Variants in MME observed in about 807,000 individuals in gnomAD.
The protein encoded by MME is membrane metalloendopeptidase.
A neutral mutation model predicts 113.2 loss-of-function variants in MME; 98 were observed. The ratio of observed to expected loss-of-function variants is 0.87; its 90% confidence interval spans 0.74 to 1.02. MME has a LOEUF of 1.02. MME is among the 50% of genes least tolerant of loss of function. MME has a pLI of 0.00. For synonymous variants in MME, 292 were observed against 300.6 expected, an observed-to-expected ratio of 0.97 and a Z score of 0.30; for missense variants, 836 against 896.0, an observed-to-expected ratio of 0.93 and a Z score of 0.86.
intron 1 of MME, among the ~76,000 whole-genome samples, chr3:155,043,825 T>A (rs542157291): frequency 1.4e-4 from 22 of 152,158 alleles, no homozygotes; most frequent in South Asian, 6.2e-4. Context: ...GTCACTTTTC[T>A]GTTTCAAAAT....
intron 22 of MME, among the ~76,000 whole-genome samples, chr3:155,174,110 C>A (rs1372466175): frequency 6.6e-6 from 1 of 151,838 alleles, no homozygotes; most frequent in Non-Finnish European, 1.5e-5. Flanking sequence ...TTTTTTGGTG[C>A]TCATTTCTTA....
chr3:155,067,741 T>C (rs543580111), intron 1 of MME, among the ~76,000 whole-genome samples: 1 of 152,294 alleles, frequency 6.6e-6, no homozygotes, highest in East Asian at 1.9e-4. Context: ...TACACCATCA[T>C]ACACCAATTA....
chr3:155,118,968 T>C (rs997030062), intron 8 of MME, among the ~76,000 whole-genome samples, 157 bp downstream of exon 8: 2 of 152,226 alleles, frequency 1.3e-5, no homozygotes, highest in Non-Finnish European at 2.9e-5. Flanking sequence ...CTGTCTTTGA[T>C]AGAATGAACA....
rs201264444 is a variant in MME at position 155,181,062 on chromosome 3, A to T, written c.*603A>T. 1 of 152,972 alleles carries T rather than the reference A, an allele frequency of 6.5e-6. No individual in the cohort carries two copies. Among genetic ancestry groups the T allele is most frequent in the Non-Finnish European group, 1.5e-5 (1 of 68,310 alleles). The allele number at this position is 152,972 out of a possible 1,614,324, so 9.5% of individuals were successfully genotyped here. ...TAAGCACTCTTAAAGCAAAAAATGA[A>T]TGTCTAAAATTGTTTTTTGTTGTAC... On this transcript the variant is annotated 3_prime_UTR_variant, in exon 23 of 23. Transcript: ENST00000360490.
At chr3:155,158,010 T>C (rs1334359984) in intron 16 of MME, among the ~76,000 whole-genome samples, 5 of 152,088 alleles carry the variant, frequency 3.3e-5, no homozygotes, top group African/African-American at 4.8e-5. Context: ...AAACAAAAGG[T>C]ATGACATTTA....
Position 155,129,706 on chromosome 3 carries a change from G to A in MME, c.721-8396G>A, listed in dbSNP as rs578121392. 4.6e-5 allele frequency among the ~76,000 whole-genome samples: 7 copies of A among 152,230 alleles called. No homozygotes were observed. The South Asian group carries it at 1.5e-3, about 32-fold the overall frequency. On this transcript the variant is annotated intron_variant, in intron 8 of 22. Transcript: ENST00000360490. Reference sequence around the variant, plus strand: ...TGGAGCCTGAGTTCTGAGGTATTCTGATTATCTGAAGAGATTACTTAATGA... The same window carrying A: ...TGGAGCCTGAGTTCTGAGGTATTCTAATTATCTGAAGAGATTACTTAATGA...
chr3:155,135,655 T>C (rs945873676), intron 8 of MME, among the ~76,000 whole-genome samples: 1 of 152,322 alleles, frequency 6.6e-6, no homozygotes, highest in Middle Eastern at 3.4e-3. Flanking sequence ...AGAATTGTTT[T>C]TTCTAATTCT....
intron 1 of MME, among the ~76,000 whole-genome samples, chr3:155,061,128 T>C (rs879809338): frequency 2.0e-5 from 3 of 152,144 alleles, no homozygotes; most frequent in African/African-American, 4.8e-5. Context: ...CTTTTAAAAA[T>C]TGTATCAAGT....
intron 1 of MME, among the ~76,000 whole-genome samples, chr3:155,048,077 A>G (rs1713627077): frequency 6.6e-6 from 1 of 152,162 alleles, no homozygotes; most frequent in African/African-American, 2.4e-5. Flanking sequence ...GTGCATGGAG[A>G]TCAAAGCTCC....
intron 20 of MME, chr3:155,169,014 C>A: frequency 5.9e-6 from 3 of 505,354 alleles, no homozygotes; most frequent in South Asian, 5.1e-5. Context: ...TTGCAAAGAG[C>A]CAAGAAGAAG....
chr3:155,103,878 C>T (rs536726436), intron 3 of MME, among the ~76,000 whole-genome samples: 30 of 152,322 alleles, frequency 2.0e-4, no homozygotes, highest in Middle Eastern at 3.4e-3. Context: ...AGCCAGCTCA[C>T]GCATACATGC....
intron 16 of MME, among the ~76,000 whole-genome samples, 179 bp downstream of exon 16, chr3:155,148,832 T>G (rs953630283): frequency 3.3e-5 from 5 of 152,204 alleles, no homozygotes; most frequent in African/African-American, 4.8e-5. Context: ...ATCAAGACTT[T>G]AACCAGATTA....
intron 1 of MME, among the ~76,000 whole-genome samples, chr3:155,034,542 G>GT: frequency 6.6e-6 from 1 of 152,232 alleles, no homozygotes; most frequent in Non-Finnish European, 1.5e-5. Flanking sequence ...AATTTACAGG[G>GT]TTTTTTGAAC....
chr3:155,165,675 TA>T (rs1364017122), intron 17 of MME, among the ~76,000 whole-genome samples: 1 of 152,084 alleles, frequency 6.6e-6, no homozygotes, highest in Non-Finnish European at 1.5e-5. Flanking sequence ...ATTAGGAAAT[TA>T]AGTCATTCCT....
intron 16 of MME, among the ~76,000 whole-genome samples, chr3:155,157,042 G>C (rs1722368818): frequency 6.6e-6 from 1 of 152,002 alleles, no homozygotes. Context: ...ATAAGAGATA[G>C]AAGAGAAACA....
At chr3:155,064,590 G>A (rs1170618186) in intron 1 of MME, among the ~76,000 whole-genome samples, 2 of 152,128 alleles carry the variant, frequency 1.3e-5, no homozygotes, top group Non-Finnish European at 2.9e-5. Flanking sequence ...ACTCAATTAT[G>A]TTGATGAGAC....
intron 3 of MME, 40 bp from the exon 4 acceptor site, chr3:155,114,954 A>G: frequency 1.2e-6 from 2 of 1,607,662 alleles, no homozygotes; most frequent in Non-Finnish European, 1.7e-6. Flanking sequence ...CTTAAGAAAT[A>G]AACCCATCAT....
At chr3:155,125,554 G>T (rs1314080214) in intron 8 of MME, among the ~76,000 whole-genome samples, 1 of 139,856 alleles carries the variant, frequency 7.2e-6, no homozygotes, top group Admixed American at 8.2e-5. Context: ...CCGCCTCCCT[G>T]GTTCAAGCAA....
chr3:155,071,299 T>A (rs1714544665), intron 1 of MME, among the ~76,000 whole-genome samples: 1 of 152,170 alleles, frequency 6.6e-6, no homozygotes. Flanking sequence ...GCGTAGCACG[T>A]GCAGCATGTT....
Sources: gnomAD v4.1 joint callset for allele counts (sites outside exome capture counted in the v4.1 genomes callset) on GRCh38, gnomAD v4.1.1 for gene constraint, MANE v1.5 for transcripts, NCBI Gene and HGNC (gene_info 2026-07-23, HGNC 2026-07-21) for gene names.